NELL1: variants seen among roughly 807,000 people sequenced by gnomAD.
NELL1 encodes the protein neural EGFL like 1.
Under a neutral mutation model 107.4 loss-of-function variants are expected in NELL1, and 76 were observed. The ratio of observed to expected loss-of-function variants is 0.71; its 90% confidence interval spans 0.59 to 0.86. The LOEUF (loss-of-function observed/expected upper bound fraction) is 0.86, where lower values mean the gene tolerates loss of function less well. Among genes scored for constraint, NELL1 ranks in the 40% least tolerant of loss-of-function variants. The probability of loss-of-function intolerance (pLI) is 0.00; values close to 1 mark genes in which losing one functional copy is unlikely to be tolerated. For synonymous variants in NELL1, 353 were observed against 341.2 expected, an observed-to-expected ratio of 1.03 and a Z score of -0.38; for missense variants, 1,024 against 1,005.5, an observed-to-expected ratio of 1.02 and a Z score of -0.25.
At chr11:20,875,348 G>T (rs1057074893) in intron 4 of NELL1, among the ~76,000 whole-genome samples, 1 of 151,938 alleles carries the variant, frequency 6.6e-6, no homozygotes, top group Non-Finnish European at 1.5e-5. Context: ...TGATAGTGTT[G>T]TGCTAAATCT....
chr11:20,983,860 G>A (rs944123722), intron 12 of NELL1, among the ~76,000 whole-genome samples: 2 of 152,082 alleles, frequency 1.3e-5, no homozygotes, highest in Non-Finnish European at 2.9e-5. Context: ...GAACAAGATG[G>A]ATCCTTATCA....
Position 21,403,047 on chromosome 11 carries a change from C to T in NELL1, c.1645+32099C>T, listed in dbSNP as rs77066146. 4.2e-3 allele frequency among the ~76,000 whole-genome samples: 637 copies of T among 151,802 alleles called. 29 individuals are homozygous for T. In the East Asian group the frequency reaches 0.1, roughly 25 times the overall value. On this transcript the variant is annotated intron_variant, in intron 15 of 19. Coordinates refer to ENST00000357134, the MANE Select transcript of NELL1 (RefSeq NM_006157.5). ...CCATCAAGTAAAAGGTAGCTGACCT[C>T]CTATGGAGGGCACTGTTTGCTGCTG...
At chr11:21,037,654 G>A (rs183328747) in intron 12 of NELL1, among the ~76,000 whole-genome samples, 2 of 152,132 alleles carry the variant, frequency 1.3e-5, no homozygotes, top group African/African-American at 2.4e-5. Flanking sequence ...AACAGTCATC[G>A]AAACCTGGTT....
chr11:20,868,260 C>T (rs796539007), intron 4 of NELL1, among the ~76,000 whole-genome samples: 52 of 152,254 alleles, frequency 3.4e-4, no homozygotes, highest in African/African-American at 1.3e-3. Flanking sequence ...CATATTCTCA[C>T]GTGCTAAGTG....
chr11:21,249,512 C>A (rs187699500), intron 14 of NELL1, among the ~76,000 whole-genome samples: 2 of 151,134 alleles, frequency 1.3e-5, no homozygotes, highest in African/African-American at 4.9e-5. Context: ...CATTTAGATG[C>A]CTCTTTTGAA....
In NELL1 at chr11:21,520,017, C is replaced by T. The variant is rs993002043; in HGVS notation, c.1646-14357C>T. The stretch of plus-strand genomic sequence containing the variant: ...TTGGGAAAAACAACAACAACAACAA[C>T]TTTGATCTGGCACTAATAGGAGAAG... On this transcript the variant is annotated intron_variant, in intron 15 of 19. Transcript: ENST00000357134. Among the ~76,000 whole-genome samples the T allele has an allele frequency of 2.0e-5, 3 of 152,136 alleles. No homozygotes were observed. The East Asian group carries it at 5.8e-4, about 29-fold the overall frequency.
intron 12 of NELL1, among the ~76,000 whole-genome samples, chr11:21,010,804 A>G (rs1448301337): frequency 6.6e-6 from 1 of 152,074 alleles, no homozygotes; most frequent in African/African-American, 2.4e-5. Flanking sequence ...GCCCCAGATA[A>G]TTAGAAAACA....
At chr11:21,490,829 C>G (rs1454036569) in intron 15 of NELL1, among the ~76,000 whole-genome samples, 1 of 152,016 alleles carries the variant, frequency 6.6e-6, no homozygotes, top group Non-Finnish European at 1.5e-5. Context: ...AAACATAAGA[C>G]CTGAAACTAT....
chr11:21,442,586 A>G (rs1425499212), intron 15 of NELL1, among the ~76,000 whole-genome samples: 2 of 152,236 alleles, frequency 1.3e-5, no homozygotes, highest in Non-Finnish European at 2.9e-5. Flanking sequence ...GATATAGTCA[A>G]TAAAATATTC....
At chr11:21,147,789 T>C (rs1451516205) in intron 13 of NELL1, among the ~76,000 whole-genome samples, 1 of 118,472 alleles carries the variant, frequency 8.4e-6, no homozygotes, top group African/African-American at 3.3e-5. Context: ...TGAGCTGAGA[T>C]GGCACCATTG....
chr11:21,260,690 G>A (rs1454170677), intron 14 of NELL1: 1 of 151,810 alleles, frequency 6.6e-6, no homozygotes, highest in African/African-American at 2.4e-5. Context: ...TCATCCACAG[G>A]AGAGAAAATG....
chr11:21,136,008 T>C (rs1046094229), intron 13 of NELL1, among the ~76,000 whole-genome samples: 1 of 152,174 alleles, frequency 6.6e-6, no homozygotes, highest in Non-Finnish European at 1.5e-5. Context: ...AAAATACTTA[T>C]TATTTCAGTT....
chr11:20,892,367 C>A (rs960267911), intron 5 of NELL1, among the ~76,000 whole-genome samples: 1 of 152,008 alleles, frequency 6.6e-6, no homozygotes, highest in South Asian at 2.1e-4. Context: ...AAATGCAAAC[C>A]AAAACCACAA....
chr11:21,405,251 A>G (rs1852207836), intron 15 of NELL1, among the ~76,000 whole-genome samples: 1 of 151,974 alleles, frequency 6.6e-6, no homozygotes, highest in Non-Finnish European at 1.5e-5. Flanking sequence ...GACACTGTGC[A>G]TTTCAATGAT....
At position 20,736,269 on chromosome 11, in the gene NELL1, G is replaced by C. The variant is rs572896958; in HGVS notation, c.185-47411G>C. 4.6e-5 allele frequency among the ~76,000 whole-genome samples: 7 copies of C among 152,210 alleles called. No individual in the cohort carries two copies. In the East Asian group the frequency reaches 7.8e-4, roughly 17 times the overall value. The stretch of plus-strand genomic sequence containing the variant: ...ACATGCTCTCCAAACACTCACGGTG[G>C]GCAGGTGAGAGGGCAGGGCAGGAGA... On this transcript the variant is annotated intron_variant, in intron 2 of 19. Transcript: ENST00000357134.
intron 12 of NELL1, among the ~76,000 whole-genome samples, chr11:21,081,056 T>A (rs552078337): frequency 6.6e-6 from 1 of 152,140 alleles, no homozygotes; most frequent in African/African-American, 2.4e-5. Flanking sequence ...ATTGGCTCTG[T>A]AGATTGTTGT....
chr11:21,236,853 T>C (rs1858220358), intron 14 of NELL1, among the ~76,000 whole-genome samples: 1 of 152,034 alleles, frequency 6.6e-6, no homozygotes, highest in Non-Finnish European at 1.5e-5. Context: ...CGTTAAGAAA[T>C]AAAAGAAGGC....
intron 13 of NELL1, among the ~76,000 whole-genome samples, chr11:21,223,044 T>A (rs543532344): frequency 3.3e-4 from 50 of 152,330 alleles, no homozygotes; most frequent in Admixed American, 7.8e-4. Context: ...TGGAAATGTC[T>A]TTTATGTCTA....
At chr11:21,381,093 T>G (rs1344851701) in intron 15 of NELL1, among the ~76,000 whole-genome samples, 1 of 152,042 alleles carries the variant, frequency 6.6e-6, no homozygotes, top group Non-Finnish European at 1.5e-5. Flanking sequence ...GAATCCAAAT[T>G]TCATACACTT....
Sources: allele counts gnomAD v4.1 joint callset (sites outside exome capture counted in the v4.1 genomes callset), GRCh38; gene constraint gnomAD v4.1.1; transcripts MANE v1.5; gene names NCBI Gene and HGNC (gene_info 2026-07-23, HGNC 2026-07-21).